Variants in ANKRD17 observed in about 807,000 individuals in gnomAD.
The protein encoded by ANKRD17 is ankyrin repeat domain 17.
In ANKRD17, 19 loss-of-function variants were observed where a neutral mutation model predicts 229.7. The observed-to-expected ratio is 0.08, with a 90% CI of 0.06 to 0.12. The LOEUF (loss-of-function observed/expected upper bound fraction) is 0.12. Ranked by LOEUF, ANKRD17 falls within the 10% of genes least tolerant of loss-of-function variation. The pLI is 1.00. For synonymous variants in ANKRD17, 1,112 were observed against 1,146.1 expected (o/e 0.97, Z 0.60); for missense variants, 2,176 against 3,176.8 (o/e 0.68, Z 7.57).
At chr4:73,111,042 C>T (rs1052882454) in intron 24 of ANKRD17, among the ~76,000 whole-genome samples, 11 of 152,110 alleles carry the variant, frequency 7.2e-5, no homozygotes, top group Admixed American at 7.2e-4. Context: ...AAGTATTCTG[C>T]AAGTATCTAC....
rs545044473 is a variant in ANKRD17, at chr4:73,074,301, A to G, written c.*1930T>C. Reference sequence around the variant, plus strand: ...GTTCTCCAGCAGGATTACCTTAAATAGAAAATAACCCTAGTTAACACAGGA... The same window carrying G: ...GTTCTCCAGCAGGATTACCTTAAATGGAAAATAACCCTAGTTAACACAGGA... On this transcript the variant is annotated 3_prime_UTR_variant, in exon 34 of 34. Transcript: ENST00000358602. The G allele has an allele frequency of 6.6e-6, 1 of 152,156 alleles. No homozygotes were observed. Among genetic ancestry groups the G allele is most frequent in the South Asian group, 2.1e-4 (1 of 4,832 alleles). The allele number at this position is 152,156 out of a possible 1,614,324, so 9.4% of individuals were successfully genotyped here. A position where few individuals can be genotyped will look rare whatever the true frequency, so the allele number is the denominator to read the frequency against.
At chr4:73,236,145 GAT>G (rs890644338) in intron 1 of ANKRD17, among the ~76,000 whole-genome samples, 1 of 152,140 alleles carries the variant, frequency 6.6e-6, no homozygotes, top group Admixed American at 6.5e-5. Flanking sequence ...CTCCTCAATG[GAT>G]AAAAAACAAA....
intron 7 of ANKRD17, among the ~76,000 whole-genome samples, 166 bp downstream of exon 7, chr4:73,151,264 T>A (rs1461637890): frequency 6.6e-6 from 1 of 152,224 alleles, no homozygotes; most frequent in Non-Finnish European, 1.5e-5. Flanking sequence ...GGTAGCATTG[T>A]AAAGCTTCAG....
At chr4:73,228,637 T>G (rs77101216) in intron 1 of ANKRD17, among the ~76,000 whole-genome samples, 20 of 152,318 alleles carry the variant, frequency 1.3e-4, no homozygotes, top group Admixed American at 1.0e-3. Context: ...ACTTTCTGTA[T>G]CCCAATTTTA....
At chr4:73,179,488 G>GTGTATATATA (rs1491132715) in intron 1 of ANKRD17, among the ~76,000 whole-genome samples, 56 of 48,200 alleles carry the variant, frequency 1.2e-3, no homozygotes, top group East Asian at 1.8e-3. Context: ...GTGTGTGTGT[G>GTGTATATATA]TATATATATA....
intron 1 of ANKRD17, among the ~76,000 whole-genome samples, chr4:73,248,891 T>C (rs1036592511): frequency 1.3e-5 from 2 of 151,972 alleles, no homozygotes; most frequent in African/African-American, 4.8e-5. Context: ...GTATGTGCTA[T>C]ACTAGAGGCT....
At chr4:73,119,457 A>AG (rs1726424684) in intron 21 of ANKRD17, among the ~76,000 whole-genome samples, 1 of 152,204 alleles carries the variant, frequency 6.6e-6, no homozygotes, top group African/African-American at 2.4e-5. Flanking sequence ...GTGTCATAAC[A>AG]GGGCTCAAAA....
chr4:73,120,113 C>A, intron 21 of ANKRD17, 49 bp downstream of exon 21: 2 of 1,539,944 alleles, frequency 1.3e-6, no homozygotes, highest in Non-Finnish European at 9.0e-7. Context: ...AGAATGATAA[C>A]CACTAGTAAC....
At chr4:73,215,632 T>G (rs1480429771) in intron 1 of ANKRD17, among the ~76,000 whole-genome samples, 1 of 152,192 alleles carries the variant, frequency 6.6e-6, no homozygotes, top group Non-Finnish European at 1.5e-5. Context: ...ATAAAAATCA[T>G]ACATGGTTTT....
chr4:73,222,849 C>T, intron 1 of ANKRD17: 1 of 776,664 alleles, frequency 1.3e-6, no homozygotes, highest in South Asian at 1.6e-5. Flanking sequence ...CTGACCGTGT[C>T]TTGCTTTTAT....
At position 73,195,021 on chromosome 4, in the gene ANKRD17, G is replaced by A. The variant is rs1737657130; in HGVS notation, c.394-17488C>T. 3.3e-5 allele frequency among the ~76,000 whole-genome samples: 5 copies of A among 152,162 alleles called. No homozygotes were observed. In the South Asian group the frequency reaches 1.0e-3, roughly 32 times the overall value. ...AATGGAAAACGTTGCTAAACTCACTGATTAATTATTGTAACTCTCTTATAT... is the reference window on the plus strand; with the variant it reads ...AATGGAAAACGTTGCTAAACTCACTAATTAATTATTGTAACTCTCTTATAT... On this transcript the variant is annotated intron_variant, in intron 1 of 33. Coordinates refer to ENST00000358602, the MANE Select transcript of ANKRD17 (RefSeq NM_032217.5).
intron 1 of ANKRD17, among the ~76,000 whole-genome samples, chr4:73,230,473 C>A (rs1414465085): frequency 6.6e-6 from 1 of 152,092 alleles, no homozygotes; most frequent in Non-Finnish European, 1.5e-5. Context: ...ATACTATATA[C>A]ACTGGAGACA....
intron 1 of ANKRD17, among the ~76,000 whole-genome samples, chr4:73,241,659 G>A (rs921098756): frequency 9.2e-5 from 14 of 152,010 alleles, no homozygotes; most frequent in Admixed American, 8.5e-4. Context: ...GAAAAAGGAT[G>A]CACATAAACT....
rs2148701887 is a variant in ANKRD17, at chr4:73,121,697, T to C, written c.3555A>G (p.Thr1185=). ...CACCAGAAGCAGCCAGACTTAGAGG[T>C]GTGTAATCAGAAACATTCCTGTGCT... ...NKEHRNVSDY[T]PLSLAASGGY... is the part of the protein sequence containing the mutation. Residue 1185 remains threonine (T), a synonymous_variant, in exon 19 of 34, where the codon ACA becomes ACG. Transcript: ENST00000358602. 1 of 1,613,514 alleles carries C rather than the reference T, an allele frequency of 6.2e-7. No homozygotes were observed. The highest frequency in any genetic ancestry group is 1.7e-4 in the Middle Eastern group (1 of 6,056).
intron 27 of ANKRD17, among the ~76,000 whole-genome samples, chr4:73,096,551 C>A (rs545951191): frequency 6.6e-6 from 1 of 152,066 alleles, no homozygotes; most frequent in East Asian, 1.9e-4. Flanking sequence ...TAAATTTTTA[C>A]GAAATTTCCG....
chr4:73,172,200 A>G (rs1366883632), intron 2 of ANKRD17, among the ~76,000 whole-genome samples: 2 of 152,204 alleles, frequency 1.3e-5, no homozygotes, highest in African/African-American at 4.8e-5. Flanking sequence ...ATAAAATACA[A>G]TGGGGCTCCA....
At chr4:73,164,678 G>A (rs1051014480) in intron 2 of ANKRD17, among the ~76,000 whole-genome samples, 5 of 152,010 alleles carry the variant, frequency 3.3e-5, no homozygotes, top group African/African-American at 1.2e-4. Flanking sequence ...TATAGTCCCA[G>A]CTACTTGGGA....
intron 18 of ANKRD17, 128 bp downstream of exon 18, chr4:73,124,785 T>C (rs1727218941): frequency 1.7e-6 from 2 of 1,171,858 alleles, no homozygotes; most frequent in South Asian, 1.7e-5. Context: ...TGTTAATAGA[T>C]AATAGTTTCA....
At chr4:73,184,545 A>G (rs1213319269) in intron 1 of ANKRD17, among the ~76,000 whole-genome samples, 3 of 150,518 alleles carry the variant, frequency 2.0e-5, no homozygotes, top group Non-Finnish European at 4.4e-5. Context: ...AAAAAAAAAA[A>G]AAAAAAAAGA....
Sources: allele counts gnomAD v4.1 joint callset (sites outside exome capture counted in the v4.1 genomes callset), GRCh38; gene constraint gnomAD v4.1.1; transcripts MANE v1.5; gene names NCBI Gene and HGNC (gene_info 2026-07-23, HGNC 2026-07-21).